The following PDE10A variants were observed in gnomAD, a reference collection of about 807,000 sequenced individuals.
The protein encoded by PDE10A is cAMP and cAMP-inhibited cGMP 3',5'-cyclic phosphodiesterase 10A.
Under a neutral mutation model 97.7 loss-of-function variants are expected in PDE10A, and 39 were observed. The ratio of observed to expected loss-of-function variants is 0.40; its 90% CI spans 0.31 to 0.52. PDE10A has a LOEUF of 0.52. PDE10A is among the 20% of genes least tolerant of loss of function. The pLI is 0.56. For synonymous variants in PDE10A, 371 were observed against 376.8 expected, an observed-to-expected ratio of 0.98 and a Z score of 0.18; for missense variants, 731 against 1,047.8, an observed-to-expected ratio of 0.70 and a Z score of 4.17.
chr6:165,346,220 G>T (rs1782299394), intron 18 of PDE10A, among the ~76,000 whole-genome samples: 1 of 152,162 alleles, frequency 6.6e-6, no homozygotes, highest in Non-Finnish European at 1.5e-5. Context: ...AGGGGCAAGG[G>T]CAGGTTCGGA....
intron 1 of PDE10A, among the ~76,000 whole-genome samples, chr6:165,686,208 T>C (rs968051234): frequency 5.3e-5 from 8 of 151,316 alleles, no homozygotes; most frequent in Non-Finnish European, 1.2e-4. Flanking sequence ...GGTGCATCCA[T>C]GACAGCGCTC....
intron 1 of PDE10A, among the ~76,000 whole-genome samples, chr6:165,964,133 TAA>T (rs2128499069): frequency 6.6e-6 from 1 of 152,338 alleles, no homozygotes; most frequent in African/African-American, 2.4e-5. Flanking sequence ...ACTCTCCCTA[TAA>T]TATTTAACCC....
intron 1 of PDE10A, among the ~76,000 whole-genome samples, chr6:165,971,244 T>C (rs533418960): frequency 8.2e-4 from 125 of 152,322 alleles, no homozygotes; most frequent in Non-Finnish European, 1.6e-3. Context: ...TGGATTCTGA[T>C]TGTTAAATAC....
intron 3 of PDE10A, among the ~76,000 whole-genome samples, chr6:165,460,610 C>A (rs959444380): frequency 2.6e-4 from 39 of 152,158 alleles, no homozygotes; most frequent in African/African-American, 9.2e-4. Context: ...GCCAATTCAA[C>A]CCGCTCAATT....
chr6:165,390,978 T>C (rs1169712692), intron 16 of PDE10A, among the ~76,000 whole-genome samples: 1 of 152,192 alleles, frequency 6.6e-6, no homozygotes, highest in African/African-American at 2.4e-5. Context: ...GTCATCATGA[T>C]GTACCTGATA....
chr6:165,847,458 G>C (rs1780451246), intron 1 of PDE10A, among the ~76,000 whole-genome samples: 1 of 152,264 alleles, frequency 6.6e-6, no homozygotes, highest in Non-Finnish European at 1.5e-5. Context: ...GCCAAAGTGG[G>C]CAAAACTCAC....
At chr6:165,555,640 G>A (rs1784214918) in intron 1 of PDE10A, among the ~76,000 whole-genome samples, 1 of 152,162 alleles carries the variant, frequency 6.6e-6, no homozygotes, top group Non-Finnish European at 1.5e-5. Flanking sequence ...ATCTAGGTGT[G>A]TCTCAGAATA....
chr6:165,620,080 C>T (rs1050451453), intron 1 of PDE10A, among the ~76,000 whole-genome samples: 2 of 152,142 alleles, frequency 1.3e-5, no homozygotes, highest in Non-Finnish European at 1.5e-5. Context: ...TCTTTCCCTA[C>T]TTACATGCTT....
rs1023226103 is a variant in PDE10A, at chr6:165,877,948, G to A, written c.-615+109581C>T. On this transcript the variant is annotated intron_variant, in intron 1 of 19. Coordinates refer to the PDE10A transcript ENST00000366882. ...TAAAACCACACTCTGAGTAAGTGAC[G>A]GAGCCTGGATAAAAACACGGGTCTT... 1.2e-4 allele frequency among the ~76,000 whole-genome samples: 18 copies of A among 152,260 alleles called. 1 individual carries two copies. The highest frequency in any genetic ancestry group is 9.2e-4 in the Admixed American group (14 of 15,286).
At chr6:165,569,083 T>C (rs1784927261) in intron 1 of PDE10A, among the ~76,000 whole-genome samples, 1 of 152,256 alleles carries the variant, frequency 6.6e-6, no homozygotes, top group African/African-American at 2.4e-5. Flanking sequence ...CAAATAATTC[T>C]TTAATAATCA....
In PDE10A at chr6:165,529,004, GTGATCCATTAGCAAAATTTT is replaced by G. The variant is rs1195290626; in HGVS notation, c.994+14416_994+14435del. 7.9e-5 allele frequency among the ~76,000 whole-genome samples: 12 copies of G among 152,280 alleles called. No homozygotes were observed. The East Asian group carries it at 2.3e-3, about 29-fold the overall frequency. ...GTGGCACCACTCACCATCACCCCTA[GTGATCCATTAGCAAAATTTT>G]TGCTTCCTGTTCCTGAGACATTACA... On this transcript the variant is annotated intron_variant, in intron 2 of 21. Coordinates refer to ENST00000539869, the MANE Select transcript of PDE10A (RefSeq NM_001385079.1).
intron 1 of PDE10A, among the ~76,000 whole-genome samples, chr6:165,785,859 A>G (rs1433872425): frequency 1.3e-5 from 2 of 152,218 alleles, no homozygotes; most frequent in African/African-American, 4.8e-5. Flanking sequence ...TATTTCAACA[A>G]GGTGATTCCA....
At chr6:165,377,739 A>AT (rs979850129) in intron 18 of PDE10A, among the ~76,000 whole-genome samples, 2 of 152,202 alleles carry the variant, frequency 1.3e-5, no homozygotes, top group African/African-American at 4.8e-5. Context: ...TGCCATAAAA[A>AT]AAAACTGAAC....
chr6:165,726,444 G>A (rs1318613406), intron 1 of PDE10A, among the ~76,000 whole-genome samples: 1 of 152,270 alleles, frequency 6.6e-6, no homozygotes, highest in Middle Eastern at 3.4e-3. Flanking sequence ...GGTTTTACAA[G>A]CAAGCAAAAT....
chr6:165,495,330 A>T (rs1476834169), intron 2 of PDE10A, among the ~76,000 whole-genome samples: 2 of 151,830 alleles, frequency 1.3e-5, no homozygotes, highest in East Asian at 3.9e-4. Context: ...GGAAAGAGAG[A>T]GAAGGAGAGG....
rs141812182 is a variant in PDE10A at position 165,622,679 on chromosome 6, G to A, written c.865+39268C>T. Reference sequence around the variant, plus strand: ...ACATGCACACACACACACAAAGTGGGGCCATCAGAAAACATGTTCTATGTA... The same window carrying A: ...ACATGCACACACACACACAAAGTGGAGCCATCAGAAAACATGTTCTATGTA... On this transcript the variant is annotated intron_variant, in intron 1 of 21. Transcript: ENST00000539869. Among the ~76,000 whole-genome samples, 340 of 152,222 alleles carry A rather than the reference G, an allele frequency of 2.2e-3. 2 individuals are homozygous for A. The highest frequency in any genetic ancestry group is 8.0e-3 in the African/African-American group (331 of 41,538).
At chr6:165,425,316 G>A (rs1789034212) in intron 10 of PDE10A, among the ~76,000 whole-genome samples, 1 of 151,980 alleles carries the variant, frequency 6.6e-6, no homozygotes, top group Admixed American at 6.6e-5. Context: ...ATAAATTTAG[G>A]ACAATTCCAA....
chr6:165,448,986 G>C lies in PDE10A; in HGVS notation c.1145-9C>G. The stretch of plus-strand genomic sequence containing the variant: ...TCCATCGGCTTTTGTGGCTGCCAAA[G>C]TAATAAGAAAAGGAAGAAACTGAGC... On this transcript the variant is annotated splice_polypyrimidine_tract_variant and intron_variant, in intron 4 of 21. Coordinates refer to ENST00000539869, the MANE Select transcript of PDE10A (RefSeq NM_001385079.1). 1 of 1,610,232 alleles carries C rather than the reference G, an allele frequency of 6.2e-7. No individual in the cohort carries two copies. Among genetic ancestry groups the C allele is most frequent in the Non-Finnish European group, 8.5e-7 (1 of 1,176,708 alleles).
At chr6:165,649,837 T>G (rs1198099298) in intron 1 of PDE10A, among the ~76,000 whole-genome samples, 1 of 152,204 alleles carries the variant, frequency 6.6e-6, no homozygotes, top group Non-Finnish European at 1.5e-5. Flanking sequence ...TAAAAAGTAG[T>G]GATTTCTACC....
Sources: gnomAD v4.1 joint callset for allele counts (sites outside exome capture counted in the v4.1 genomes callset) on GRCh38, gnomAD v4.1.1 for gene constraint, MANE v1.5 for transcripts, NCBI Gene and HGNC (gene_info 2026-07-23, HGNC 2026-07-21) for gene names.